UNC13C: variants seen among roughly 807,000 people sequenced by gnomAD.
The protein encoded by UNC13C is unc-13 homolog C.
Under a neutral mutation model 245.4 loss-of-function variants are expected in UNC13C, and 174 were observed. That is an observed-to-expected ratio of 0.71 (90% CI 0.63 to 0.80). UNC13C has a LOEUF of 0.80. Ranked by LOEUF, UNC13C falls within the 30% of genes least tolerant of loss-of-function variation. The pLI is 0.00. For synonymous variants in UNC13C, 992 were observed against 895.1 expected, an observed-to-expected ratio of 1.11 and a Z score of -1.93; for missense variants, 2,829 against 2,602.9, an observed-to-expected ratio of 1.09 and a Z score of -1.89.
At chr15:54,353,536 G>C (rs929482319) in intron 17 of UNC13C, among the ~76,000 whole-genome samples, 4 of 152,116 alleles carry the variant, frequency 2.6e-5, no homozygotes, top group African/African-American at 9.7e-5. Context: ...TCATCGCAGC[G>C]AAGAGGTACG....
the UNC13C span, among the ~76,000 whole-genome samples, chr15:53,924,309 C>T: frequency 3.3e-5 from 5 of 152,282 alleles, no homozygotes; most frequent in East Asian, 5.8e-4. Flanking sequence ...TGCCATTTAC[C>T]AGCTGTGTGA....
chr15:54,182,478 G>A (rs2033835563), intron 4 of UNC13C, among the ~76,000 whole-genome samples: 1 of 151,774 alleles, frequency 6.6e-6, no homozygotes, highest in Non-Finnish European at 1.5e-5. Context: ...TTCCTGTTTT[G>A]GTTGTGTCTT....
intron 10 of UNC13C, among the ~76,000 whole-genome samples, chr15:54,288,971 A>G (rs1402988032): frequency 2.0e-5 from 3 of 152,094 alleles, no homozygotes; most frequent in Non-Finnish European, 4.4e-5. Flanking sequence ...CTAAGCTACC[A>G]TTCATTTTGA....
At chr15:54,367,682 T>C (rs781741002) in intron 17 of UNC13C, among the ~76,000 whole-genome samples, 6 of 152,150 alleles carry the variant, frequency 3.9e-5, no homozygotes, top group Non-Finnish European at 7.4e-5. Context: ...GCTTTTAACC[T>C]CTCCTTCATT....
chr15:53,881,216 G>A, the UNC13C span, among the ~76,000 whole-genome samples: 35 of 152,166 alleles, frequency 2.3e-4, no homozygotes, highest in Admixed American at 9.8e-4. Context: ...CATATAAAGT[G>A]TCCAAGGTTT....
the UNC13C span, among the ~76,000 whole-genome samples, chr15:53,963,516 A>G: frequency 3.3e-5 from 5 of 152,316 alleles, no homozygotes; most frequent in East Asian, 3.9e-4. Flanking sequence ...TGAGATACCC[A>G]TATGGGACAA....
chr15:53,839,449 T>C, the UNC13C span, among the ~76,000 whole-genome samples: 4 of 152,282 alleles, frequency 2.6e-5, no homozygotes, highest in East Asian at 1.9e-4. Context: ...TGTTTCATTA[T>C]ACTATTTAGT....
At chr15:54,156,258 G>T (rs1352090299) in intron 4 of UNC13C, among the ~76,000 whole-genome samples, 6 of 152,088 alleles carry the variant, frequency 3.9e-5, no homozygotes, top group Non-Finnish European at 8.8e-5. Context: ...TTTGCTTTGA[G>T]AATTTTTACA....
chr15:54,098,048 G>A (rs760381842), intron 2 of UNC13C, among the ~76,000 whole-genome samples: 26 of 152,216 alleles, frequency 1.7e-4, no homozygotes, highest in Non-Finnish European at 3.2e-4. Flanking sequence ...CCAGAGGTTA[G>A]TAACAAGTCA....
intron 19 of UNC13C, among the ~76,000 whole-genome samples, chr15:54,452,079 T>G (rs1567285216): frequency 6.6e-6 from 1 of 152,218 alleles, no homozygotes; most frequent in African/African-American, 2.4e-5. Context: ...AGGGTGTGAT[T>G]CTTAGTGGAG....
chr15:53,971,046 G>A, the UNC13C span, among the ~76,000 whole-genome samples: 1 of 152,064 alleles, frequency 6.6e-6, no homozygotes, highest in South Asian at 2.1e-4. Context: ...GTTTTATAAT[G>A]GCTACTCTAA....
chr15:54,139,630 A>C (rs1396914452), intron 2 of UNC13C, among the ~76,000 whole-genome samples: 2 of 152,206 alleles, frequency 1.3e-5, no homozygotes, highest in East Asian at 1.9e-4. Context: ...TTTTAATATC[A>C]TTAAAATCAG....
At chr15:54,079,181 T>C (rs1415304643) in intron 2 of UNC13C, among the ~76,000 whole-genome samples, 1 of 152,110 alleles carries the variant, frequency 6.6e-6, no homozygotes, top group Non-Finnish European at 1.5e-5. Context: ...TGTGTATTTC[T>C]GTACTTGTAC....
chr15:53,957,977 T>C, the UNC13C span, among the ~76,000 whole-genome samples: 1 of 152,180 alleles, frequency 6.6e-6, no homozygotes, highest in African/African-American at 2.4e-5. Flanking sequence ...TTTTTTGTTT[T>C]TTTGTGTTTT....
chr15:53,878,520 C>T, the UNC13C span, among the ~76,000 whole-genome samples: 30 of 152,302 alleles, frequency 2.0e-4, no homozygotes, highest in African/African-American at 7.2e-4. Flanking sequence ...TATCATTTCT[C>T]TGCATGGCCA....
the UNC13C span, among the ~76,000 whole-genome samples, chr15:53,965,160 T>A: frequency 6.6e-6 from 1 of 152,262 alleles, no homozygotes; most frequent in Non-Finnish European, 1.5e-5. Context: ...GTGAACTATG[T>A]TTTATTATGT....
chr15:54,139,023 G>A (rs1444696657), intron 2 of UNC13C, among the ~76,000 whole-genome samples: 1 of 130,826 alleles, frequency 7.6e-6, no homozygotes, highest in African/African-American at 2.8e-5. Flanking sequence ...GCAGTGGTGC[G>A]ATCTCGACTC....
At chr15:54,588,604 C>T (rs1008819304) in intron 30 of UNC13C, among the ~76,000 whole-genome samples, 10 of 152,140 alleles carry the variant, frequency 6.6e-5, no homozygotes, top group Non-Finnish European at 1.5e-4. Flanking sequence ...GGAGTATACA[C>T]TGCGCCATAT....
At chr15:53,955,119 A>T in the UNC13C span, among the ~76,000 whole-genome samples, 1 of 152,234 alleles carries the variant, frequency 6.6e-6, no homozygotes, top group African/African-American at 2.4e-5. Context: ...AAGCAATTTC[A>T]GGTGAACATA....
Sources: gnomAD v4.1 joint callset for allele counts (sites outside exome capture counted in the v4.1 genomes callset) on GRCh38, gnomAD v4.1.1 for gene constraint, MANE v1.5 for transcripts, NCBI Gene and HGNC (gene_info 2026-07-23, HGNC 2026-07-21) for gene names.